KCNQ5: variants seen among roughly 807,000 people sequenced by gnomAD.
KCNQ5 encodes potassium voltage-gated channel subfamily Q member 5, also known as potassium voltage-gated channel subfamily KQT member 5.
KCNQ5 carries 30 observed loss-of-function variants against 98.2 expected under a neutral mutation model. The ratio of observed to expected loss-of-function variants is 0.31; its 90% CI spans 0.23 to 0.41. The LOEUF is 0.41. Among genes scored for constraint, KCNQ5 ranks in the 10% least tolerant of loss-of-function variants. The pLI is 1.00. For missense variants in KCNQ5, 835 were observed against 1,182.5 expected (o/e 0.71, Z 4.31); for synonymous variants, 458 against 449.4 (o/e 1.02, Z -0.24).
intron 10 of KCNQ5, among the ~76,000 whole-genome samples, chr6:73,165,465 T>G (rs1489561794): frequency 6.6e-6 from 1 of 152,170 alleles, no homozygotes; most frequent in Non-Finnish European, 1.5e-5. Context: ...CCCTTGAATT[T>G]CCAGGGTCTG....
intron 11 of KCNQ5, among the ~76,000 whole-genome samples, chr6:73,172,641 G>C (rs12110882): frequency 6.6e-6 from 1 of 152,142 alleles, no homozygotes; most frequent in Non-Finnish European, 1.5e-5. Flanking sequence ...GTTTTTGCCA[G>C]AACATGCCCA....
At chr6:73,100,561 C>T (rs1331059247) in intron 5 of KCNQ5, among the ~76,000 whole-genome samples, 5 of 151,484 alleles carry the variant, frequency 3.3e-5, no homozygotes, top group East Asian at 3.9e-4. Flanking sequence ...CCCAGCTACT[C>T]GGGAAGCTGA....
intron 1 of KCNQ5, among the ~76,000 whole-genome samples, chr6:72,963,045 A>AAAAT (rs954437361): frequency 1.3e-5 from 2 of 152,234 alleles, no homozygotes; most frequent in African/African-American, 4.8e-5. Context: ...CATTTCTCAA[A>AAAAT]AAATAAATAA....
At chr6:72,709,849 T>C (rs926160039) in intron 1 of KCNQ5, among the ~76,000 whole-genome samples, 2 of 152,308 alleles carry the variant, frequency 1.3e-5, no homozygotes, top group Admixed American at 1.3e-4. Context: ...CCCTGTGTTA[T>C]GAATCTGTAC....
intron 10 of KCNQ5, among the ~76,000 whole-genome samples, chr6:73,156,132 A>C (rs1248228886): frequency 1.3e-5 from 2 of 152,212 alleles, no homozygotes; most frequent in African/African-American, 4.8e-5. Flanking sequence ...TAAGGTTTTG[A>C]GAAATGATAG....
chr6:72,854,358 C>G (rs1777427637), intron 1 of KCNQ5, among the ~76,000 whole-genome samples: 1 of 151,860 alleles, frequency 6.6e-6, no homozygotes, highest in Admixed American at 6.6e-5. Context: ...TTTACTTAGA[C>G]AGCATTAAAT....
chr6:73,171,156 G>A (rs1016062620), intron 11 of KCNQ5, among the ~76,000 whole-genome samples: 4 of 152,038 alleles, frequency 2.6e-5, no homozygotes, highest in Non-Finnish European at 4.4e-5. Context: ...AGAAAATCAT[G>A]GTGTGATGAA....
intron 1 of KCNQ5, among the ~76,000 whole-genome samples, chr6:72,734,932 T>C (rs904036482): frequency 6.6e-6 from 1 of 152,226 alleles, no homozygotes; most frequent in Non-Finnish European, 1.5e-5. Flanking sequence ...TCAATTTCAC[T>C]TCAACTTCAT....
Position 73,051,606 on chromosome 6 carries a change from C to G in KCNQ5, c.616+9544C>G, listed in dbSNP as rs57792799. Among the ~76,000 whole-genome samples the G allele has an allele frequency of 2.1e-3, 321 of 151,114 alleles. 1 individual carries two copies. The highest frequency in any genetic ancestry group is 7.5e-3 in the African/African-American group (308 of 40,938). ...CAGCATACAGCCCAAAAGTTCTGAG[C>G]TGAGCCTTACCCCCTAAATTCTTCC... On this transcript the variant is annotated intron_variant, in intron 3 of 13. Coordinates refer to ENST00000370398, the MANE Select transcript of KCNQ5 (RefSeq NM_019842.4).
intron 1 of KCNQ5, among the ~76,000 whole-genome samples, chr6:72,775,007 A>G (rs1217747373): frequency 6.6e-6 from 1 of 152,214 alleles, no homozygotes; most frequent in Non-Finnish European, 1.5e-5. Context: ...AAAGACATAT[A>G]CCTGAATGTC....
intron 1 of KCNQ5, among the ~76,000 whole-genome samples, chr6:72,944,925 C>G (rs1224339243): frequency 2.0e-5 from 3 of 152,182 alleles, no homozygotes; most frequent in Non-Finnish European, 4.4e-5. Flanking sequence ...GCCACAAGTT[C>G]CAAAATAGAT....
At chr6:73,093,630 A>G (rs1233114390) in intron 5 of KCNQ5, among the ~76,000 whole-genome samples, 1 of 152,210 alleles carries the variant, frequency 6.6e-6, no homozygotes, top group East Asian at 1.9e-4. Flanking sequence ...AATTCAAAGA[A>G]TTTTTTAATT....
In KCNQ5 at chr6:72,741,651, C is replaced by CT. The variant is rs564326693; in HGVS notation, c.398+119066dup. ...GAGCATTAGAATAGGAAAGACATAC[C>CT]TTAGATGATGTTATTGTGGCCTTGA... On this transcript the variant is annotated intron_variant, in intron 1 of 13. Coordinates refer to ENST00000370398, the MANE Select transcript of KCNQ5 (RefSeq NM_019842.4). Among the ~76,000 whole-genome samples the CT allele has an allele frequency of 2.4e-4, 36 of 152,060 alleles. 1 individual carries two copies. The highest frequency in any genetic ancestry group is 8.2e-4 in the African/African-American group (34 of 41,500).
chr6:73,167,607 G>T (rs1174010866), intron 10 of KCNQ5, among the ~76,000 whole-genome samples: 3 of 152,210 alleles, frequency 2.0e-5, no homozygotes, highest in Non-Finnish European at 1.5e-5. Flanking sequence ...TGCAGAAGCT[G>T]CACCTAAGTA....
intron 1 of KCNQ5, among the ~76,000 whole-genome samples, chr6:72,914,609 A>G (rs1481818253): frequency 6.7e-6 from 1 of 149,330 alleles, no homozygotes; most frequent in Non-Finnish European, 1.5e-5. Context: ...GAAAATATAA[A>G]TTTAAATTTA....
At position 72,672,332 on chromosome 6, in the gene KCNQ5, G is replaced by A. The variant is rs188159845; in HGVS notation, c.398+49745G>A. On this transcript the variant is annotated intron_variant, in intron 1 of 13. Coordinates refer to ENST00000370398, the MANE Select transcript of KCNQ5 (RefSeq NM_019842.4). The stretch of plus-strand genomic sequence containing the variant: ...AGACTTGTCTCAAACTCCTGACCTC[G>A]AGTGATCCACGCATCTCTGCCTCCC... 8.6e-5 allele frequency among the ~76,000 whole-genome samples: 13 copies of A among 151,830 alleles called. No individual in the cohort carries two copies. In the East Asian group the frequency reaches 1.7e-3, roughly 20 times the overall value.
intron 1 of KCNQ5, among the ~76,000 whole-genome samples, chr6:72,909,959 GT>G (rs1779861210): frequency 6.6e-6 from 1 of 152,090 alleles, no homozygotes; most frequent in South Asian, 2.1e-4. Flanking sequence ...ACAGTTCCAG[GT>G]TGTTCCTTGC....
At chr6:72,635,880 A>G (rs754685273) in intron 1 of KCNQ5, among the ~76,000 whole-genome samples, 1 of 151,904 alleles carries the variant, frequency 6.6e-6, no homozygotes, top group Non-Finnish European at 1.5e-5. Context: ...CTCTATGGTA[A>G]TTAATAGAGA....
At chr6:73,163,957 C>G (rs1183819975) in intron 10 of KCNQ5, among the ~76,000 whole-genome samples, 3 of 152,116 alleles carry the variant, frequency 2.0e-5, no homozygotes, top group Non-Finnish European at 4.4e-5. Context: ...ACCACTGTCA[C>G]TCACTGATTA....
Sources: gnomAD v4.1 joint callset for allele counts (sites outside exome capture counted in the v4.1 genomes callset) on GRCh38, gnomAD v4.1.1 for gene constraint, MANE v1.5 for transcripts, NCBI Gene and HGNC (gene_info 2026-07-23, HGNC 2026-07-21) for gene names.